The following RPS6KA2 variants were observed in gnomAD, a reference collection of about 807,000 sequenced individuals.
RPS6KA2 encodes ribosomal protein S6 kinase A2, also known as ribosomal protein S6 kinase alpha-2.
Under a neutral mutation model 91.8 loss-of-function variants are expected in RPS6KA2, and 42 were observed. The ratio of observed to expected loss-of-function variants is 0.46; its 90% CI spans 0.36 to 0.59. RPS6KA2 has a LOEUF of 0.59. RPS6KA2 is among the 20% of genes least tolerant of loss of function. The probability of loss-of-function intolerance (pLI) is 0.00; values close to 1 mark genes in which losing one functional copy is unlikely to be tolerated. For synonymous variants in RPS6KA2, 414 were observed against 393.6 expected, an observed-to-expected ratio of 1.05 and a Z score of -0.61; for missense variants, 798 against 978.5, an observed-to-expected ratio of 0.82 and a Z score of 2.46.
chr6:166,797,140 C>T (rs958855462), intron 2 of RPS6KA2, among the ~76,000 whole-genome samples: 3 of 152,174 alleles, frequency 2.0e-5, no homozygotes, highest in African/African-American at 7.2e-5. Context: ...TTTCTCCAAT[C>T]CCAGGCTCTG....
chr6:166,429,492 C>T (rs1779049705), intron 16 of RPS6KA2, among the ~76,000 whole-genome samples: 1 of 151,932 alleles, frequency 6.6e-6, no homozygotes, highest in South Asian at 2.1e-4. Context: ...GCTCTGTCGC[C>T]CACGCTGAAG....
rs202073742 is a variant in RPS6KA2 at position 166,473,063 on chromosome 6, AT to A, written c.908-3159del. Among the ~76,000 whole-genome samples the A allele has an allele frequency of 5.8e-3, 889 of 152,298 alleles. 10 individuals carry two copies. Among genetic ancestry groups the A allele is most frequent in the African/African-American group, 0.02 (845 of 41,550 alleles). Reference sequence around the variant, plus strand: ...TAAATGGCTTGTGGTCTATCTCCAAATTGGGGCGTCACCTAATGTGTTTATC... The same window carrying A: ...TAAATGGCTTGTGGTCTATCTCCAAATGGGGCGTCACCTAATGTGTTTATC... On this transcript the variant is annotated intron_variant, in intron 10 of 20. Coordinates refer to ENST00000265678, the MANE Select transcript of RPS6KA2 (RefSeq NM_021135.6).
chr6:166,453,684 G>A (rs1779991918), intron 12 of RPS6KA2, among the ~76,000 whole-genome samples: 1 of 152,190 alleles, frequency 6.6e-6, no homozygotes, highest in Non-Finnish European at 1.5e-5. Flanking sequence ...ATTCGATGCA[G>A]CAATCCCACT....
rs1052076744 is a variant in RPS6KA2 at position 166,434,892 on chromosome 6, T to C, written c.1333-2402A>G. On this transcript the variant is annotated intron_variant, in intron 14 of 20. Transcript: ENST00000265678. This position sits in a 1 kb window ranked among gnomAD's most constrained non-coding sequence, Gnocchi z 4.4. ...AATGCAGATAGACGCATCCATTTCC[T>C]TGTGGGTGCATAAAATAACCCTGGA... Among the ~76,000 whole-genome samples the C allele has an allele frequency of 2.6e-5, 4 of 152,314 alleles. No individual in the cohort carries two copies. Among genetic ancestry groups the C allele is most frequent in the African/African-American group, 9.6e-5 (4 of 41,566 alleles).
chr6:166,790,239 G>A (rs528923124), intron 2 of RPS6KA2, among the ~76,000 whole-genome samples: 19 of 152,294 alleles, frequency 1.2e-4, no homozygotes, highest in African/African-American at 3.6e-4. Flanking sequence ...GAGCCGATGC[G>A]ATCAACTGGA....
intron 2 of RPS6KA2, among the ~76,000 whole-genome samples, chr6:166,693,497 C>T (rs930014720): frequency 2.6e-5 from 4 of 152,206 alleles, no homozygotes; most frequent in East Asian, 1.9e-4. Flanking sequence ...TCGCAAAGCC[C>T]CAGGAGGACT....
chr6:166,708,583 A>G (rs1378306726), intron 2 of RPS6KA2, among the ~76,000 whole-genome samples: 1 of 152,230 alleles, frequency 6.6e-6, no homozygotes, highest in African/African-American at 2.4e-5. Flanking sequence ...AACCCTGGCA[A>G]AAGCTAAGAA....
chr6:166,756,183 G>A (rs886232714), intron 2 of RPS6KA2, among the ~76,000 whole-genome samples: 3 of 152,000 alleles, frequency 2.0e-5, no homozygotes, highest in African/African-American at 4.8e-5. Flanking sequence ...CCAGCTACTC[G>A]GGAGGGTGAG....
chr6:166,717,060 A>G (rs1390860327), intron 2 of RPS6KA2, among the ~76,000 whole-genome samples: 2 of 152,164 alleles, frequency 1.3e-5, no homozygotes, highest in Non-Finnish European at 1.5e-5. Flanking sequence ...GCTGGGACAC[A>G]TGTGGGAGGG....
Position 166,601,216 on chromosome 6 carries a change from T to A in RPS6KA2, c.99+25705A>T, listed in dbSNP as rs1327490856. Among the ~76,000 whole-genome samples the A allele has an allele frequency of 2.0e-5, 3 of 152,272 alleles. No homozygotes were observed. In the East Asian group the frequency reaches 5.8e-4, roughly 29 times the overall value. On this transcript the variant is annotated intron_variant, in intron 1 of 20. Transcript: ENST00000265678. ...TATTTCTCTACTTGCAAGCAAGTTATATACTAGCAGATACATACAATACAC... is the reference window on the plus strand; with the variant it reads ...TATTTCTCTACTTGCAAGCAAGTTAAATACTAGCAGATACATACAATACAC...
Position 166,445,732 on chromosome 6 carries a change from T to C in RPS6KA2, c.1332+2992A>G, listed in dbSNP as rs1277155953. ...CCTGCCATTGAATGGGAGGATGCCC[T>C]GTCTGGCTGTGACGGGACTGCTTCT... On this transcript the variant is annotated intron_variant, in intron 14 of 20. Transcript: ENST00000265678. This position sits in a 1 kb window ranked among gnomAD's most constrained non-coding sequence, Gnocchi z 4.5. Among the ~76,000 whole-genome samples the C allele has an allele frequency of 6.6e-6, 1 of 152,192 alleles. No individual in the cohort carries two copies. Among genetic ancestry groups the C allele is most frequent in the East Asian group, 1.9e-4 (1 of 5,192 alleles).
At chr6:166,711,928 G>C (rs542454833) in intron 2 of RPS6KA2, among the ~76,000 whole-genome samples, 1 of 152,286 alleles carries the variant, frequency 6.6e-6, no homozygotes, top group African/African-American at 2.4e-5. Context: ...TTGACAGAGA[G>C]AGAGAGAGGA....
rs1007030737 is a variant in RPS6KA2, at chr6:166,852,756, C to T, written c.123+5444G>A. 6.6e-6 allele frequency among the ~76,000 whole-genome samples: 1 copy of T among 152,098 alleles called. No individual in the cohort carries two copies. Among genetic ancestry groups the T allele is most frequent in the African/African-American group, 2.4e-5 (1 of 41,434 alleles). On this transcript the variant is annotated intron_variant, in intron 2 of 21. Transcript: ENST00000503859. The surrounding 1 kb of genome is among the most constrained non-coding windows in gnomAD (Gnocchi z 4.1). ...GAGCGCCCACAGGCCCCTGGATGTC[C>T]CTGTAAGGAGGCTTCCTGCCCAGGC...
At position 166,726,829 on chromosome 6, in the gene RPS6KA2, G is replaced by A. The variant is rs1790352366; in HGVS notation, c.123+131371C>T. Among the ~76,000 whole-genome samples the A allele has an allele frequency of 1.3e-5, 2 of 152,204 alleles. No individual in the cohort carries two copies. Among genetic ancestry groups the A allele is most frequent in the South Asian group, 4.1e-4 (2 of 4,832 alleles). ...GCAGATGAAACCCCTCCACCAGGGA[G>A]GTGACGGGTCTCAGGGAGTGTGTCT... On this transcript the variant is annotated intron_variant, in intron 2 of 21. Coordinates refer to the RPS6KA2 transcript ENST00000503859. This position sits in a 1 kb window ranked among gnomAD's most constrained non-coding sequence, Gnocchi z 4.4.
At chr6:166,829,070 A>C (rs556425217) in intron 2 of RPS6KA2, among the ~76,000 whole-genome samples, 2 of 152,344 alleles carry the variant, frequency 1.3e-5, no homozygotes, top group African/African-American at 2.4e-5. Context: ...CAGGTGACCA[A>C]TAAGCACACG....
At chr6:166,574,439 C>T (rs1277678740) in intron 1 of RPS6KA2, among the ~76,000 whole-genome samples, 1 of 152,210 alleles carries the variant, frequency 6.6e-6, no homozygotes, top group East Asian at 1.9e-4. Context: ...AATTAATTTG[C>T]TTGGGATAAT....
chr6:166,703,179 T>C (rs1789578456), intron 2 of RPS6KA2, among the ~76,000 whole-genome samples: 1 of 152,236 alleles, frequency 6.6e-6, no homozygotes, highest in Non-Finnish European at 1.5e-5. Context: ...ATCACCTATG[T>C]TATAATTTTA....
rs971853600 is a variant in RPS6KA2, at chr6:166,590,136, G to A, written c.99+36785C>T. On this transcript the variant is annotated intron_variant, in intron 1 of 20. Coordinates refer to ENST00000265678, the MANE Select transcript of RPS6KA2 (RefSeq NM_021135.6). ...GGGCTGGAATTGGCAAGCATCATCGGGATGATAAAGACTAAATCTATTTGA... is the reference window on the plus strand; with the variant it reads ...GGGCTGGAATTGGCAAGCATCATCGAGATGATAAAGACTAAATCTATTTGA... 2.0e-5 allele frequency among the ~76,000 whole-genome samples: 3 copies of A among 152,152 alleles called. No individual in the cohort carries two copies. The South Asian group carries it at 6.2e-4, about 32-fold the overall frequency.
At chr6:166,669,229 A>G (rs1788405710) in intron 2 of RPS6KA2, among the ~76,000 whole-genome samples, 1 of 152,096 alleles carries the variant, frequency 6.6e-6, no homozygotes, top group South Asian at 2.1e-4. Context: ...AGTGACAGGA[A>G]TATGAGGCAG....
Sources: allele counts gnomAD v4.1 joint callset (sites outside exome capture counted in the v4.1 genomes callset), GRCh38; gene constraint gnomAD v4.1.1; non-coding constraint Gnocchi (gnomAD v3.1); transcripts MANE v1.5; gene names NCBI Gene and HGNC (gene_info 2026-07-23, HGNC 2026-07-21).